The following VSTM5 variants were observed in gnomAD, a reference collection of about 807,000 sequenced individuals.
VSTM5 encodes V-set and transmembrane domain containing 5.
In VSTM5, 21 loss-of-function variants were observed where a neutral mutation model predicts 20.3. The observed-to-expected ratio is 1.03, with a 90% CI of 0.73 to 1.49. The LOEUF (loss-of-function observed/expected upper bound fraction) is 1.49, where lower values mean the gene tolerates loss of function less well. Among genes scored for constraint, VSTM5 ranks in the 40% most tolerant of loss-of-function variants. The pLI is 0.00. For synonymous variants in VSTM5, 100 were observed against 102.5 expected (o/e 0.98, Z 0.14); for missense variants, 219 against 250.0 (o/e 0.88, Z 0.84).
At chr11:93,848,290 C>G (rs1451961980) in intron 1 of VSTM5, among the ~76,000 whole-genome samples, 1 of 152,170 alleles carries the variant, frequency 6.6e-6, no homozygotes, top group Admixed American at 6.5e-5. Context: ...TGACTGGCTC[C>G]AAAGCACAGG....
chr11:93,818,299 A>G lies in VSTM5; in HGVS notation c.*2270T>C, dbSNP rs924068571. On this transcript the variant is annotated 3_prime_UTR_variant, in exon 4 of 4. Coordinates refer to ENST00000409977, the MANE Select transcript of VSTM5 (RefSeq NM_001144871.2). ...TTTTTCACAGTTTGAAATATAATTT[A>G]TAGCTTAACATTTACACTAGCTAAT... The G allele has an allele frequency of 1.3e-5, 2 of 152,014 alleles. No homozygotes were observed. Among genetic ancestry groups the G allele is most frequent in the Non-Finnish European group, 2.9e-5 (2 of 68,028 alleles). 9.4% of individuals were successfully genotyped at this position (152,014 alleles called of 1,614,324 possible). A position where few individuals can be genotyped will look rare whatever the true frequency, so the allele number is the denominator to read the frequency against.
Position 93,820,480 on chromosome 11 carries a change from A to G in VSTM5, c.*89T>C, listed in dbSNP as rs1398068501. ...GTTAGGAGCGGGCTGCAACAGGACCACACACAATGGGTATAATAGCTGTGC... is the reference window on the plus strand; with the variant it reads ...GTTAGGAGCGGGCTGCAACAGGACCGCACACAATGGGTATAATAGCTGTGC... On this transcript the variant is annotated 3_prime_UTR_variant, in exon 4 of 4. Transcript: ENST00000409977. 6 of 1,433,660 alleles carry G rather than the reference A, an allele frequency of 4.2e-6. No homozygotes were observed. The highest frequency in any genetic ancestry group is 4.8e-6 in the Non-Finnish European group (5 of 1,045,908). 88.8% of individuals were successfully genotyped at this position (1,433,660 alleles called of 1,614,324 possible). A position where few individuals can be genotyped will look rare whatever the true frequency, so the allele number is the denominator to read the frequency against.
chr11:93,842,823 C>T (rs1452195197), intron 1 of VSTM5, among the ~76,000 whole-genome samples: 3 of 152,166 alleles, frequency 2.0e-5, no homozygotes, highest in Non-Finnish European at 2.9e-5. Context: ...CATTCAGGGC[C>T]GGGGACAGCG....
chr11:93,839,722 C>T (rs1413098010), intron 1 of VSTM5, among the ~76,000 whole-genome samples: 1 of 152,144 alleles, frequency 6.6e-6, no homozygotes, highest in Non-Finnish European at 1.5e-5. Context: ...CCATTCAGAC[C>T]TGCGCTCTAC....
intron 1 of VSTM5, among the ~76,000 whole-genome samples, chr11:93,843,652 G>A (rs547627206): frequency 2.0e-5 from 3 of 152,240 alleles, no homozygotes; most frequent in South Asian, 2.1e-4. Context: ...TTATTGTCTT[G>A]TAATTGTTAT....
At chr11:93,837,949 A>G (rs1232179428) in intron 1 of VSTM5, among the ~76,000 whole-genome samples, 3 of 145,720 alleles carry the variant, frequency 2.1e-5, no homozygotes, top group Non-Finnish European at 4.5e-5. Context: ...GGGCCAAGAG[A>G]TCTGCTGGTG....
chr11:93,833,777 T>C (rs921829780), intron 1 of VSTM5, among the ~76,000 whole-genome samples: 6 of 152,028 alleles, frequency 3.9e-5, no homozygotes, highest in Non-Finnish European at 7.4e-5. Context: ...TTGGCGCCCT[T>C]TACTGCAAGT....
intron 1 of VSTM5, among the ~76,000 whole-genome samples, chr11:93,825,232 A>C (rs917562551): frequency 6.6e-6 from 1 of 152,146 alleles, no homozygotes; most frequent in Non-Finnish European, 1.5e-5. Context: ...CAGTGGTGCA[A>C]TCATGGCTCC....
chr11:93,837,998 G>A (rs76027122), intron 1 of VSTM5, among the ~76,000 whole-genome samples: 1 of 151,492 alleles, frequency 6.6e-6, no homozygotes, highest in Non-Finnish European at 1.5e-5. Flanking sequence ...ATGCAGGGGG[G>A]TGGGGGTGGG....
chr11:93,844,105 C>T (rs1944393550), intron 1 of VSTM5, among the ~76,000 whole-genome samples: 1 of 152,190 alleles, frequency 6.6e-6, no homozygotes, highest in African/African-American at 2.4e-5. Flanking sequence ...ATCACCAGCA[C>T]ACAGCAGTAT....
intron 1 of VSTM5, chr11:93,821,540 G>A: frequency 1.8e-6 from 1 of 570,126 alleles, no homozygotes; most frequent in South Asian, 2.3e-5. Flanking sequence ...TTTCCATTTT[G>A]AAGACTATTT....
At chr11:93,824,153 C>G (rs1944214103) in intron 1 of VSTM5, among the ~76,000 whole-genome samples, 1 of 152,146 alleles carries the variant, frequency 6.6e-6, no homozygotes, top group Admixed American at 6.5e-5. Context: ...GGTGATCCAC[C>G]CACCTCGGTC....
At chr11:93,833,215 C>A (rs1944295854) in intron 1 of VSTM5, among the ~76,000 whole-genome samples, 2 of 152,110 alleles carry the variant, frequency 1.3e-5, no homozygotes, top group African/African-American at 4.8e-5. Context: ...CAGGTTAAAC[C>A]AAATATATAT....
chr11:93,832,518 A>G (rs1470049346), intron 1 of VSTM5, among the ~76,000 whole-genome samples: 1 of 143,720 alleles, frequency 7.0e-6, no homozygotes, highest in African/African-American at 2.6e-5. Flanking sequence ...GAACAATAGT[A>G]ATATTTTAGC....
chr11:93,833,440 A>T (rs61906576), intron 1 of VSTM5, among the ~76,000 whole-genome samples: 1 of 152,060 alleles, frequency 6.6e-6, no homozygotes, highest in African/African-American at 2.4e-5. Flanking sequence ...TTAGCTGGGC[A>T]TGGTGGCATG....
chr11:93,830,450 C>T (rs146373467), intron 1 of VSTM5, among the ~76,000 whole-genome samples: 6 of 151,098 alleles, frequency 4.0e-5, no homozygotes, highest in East Asian at 3.9e-4. Context: ...TGCCCAAGAC[C>T]GCAAGATCGT....
At position 93,850,453 on chromosome 11, in the gene VSTM5, C is replaced by A; in HGVS notation, c.50G>T (p.Gly17Val). The A allele has an allele frequency of 6.5e-7, 1 of 1,550,156 alleles. No homozygotes were observed. The highest frequency in any genetic ancestry group is 8.7e-7 in the Non-Finnish European group (1 of 1,146,624). Residue 17 changes from glycine (G) to valine (V), a missense_variant, in exon 1 of 4, where the codon GGA becomes GTA. Gly to Val is a moderately radical substitution (Grantham distance 109). Coordinates refer to ENST00000409977, the MANE Select transcript of VSTM5 (RefSeq NM_001144871.2). Reference protein sequence around the residue: ...GRRKTRGISLGLFALCLAAAR... With the variant: ...GRRKTRGISLVLFALCLAAAR... ...TGCGGCCAGGCAGAGGGCGAAGAGTCCTAGGGAGATGCCTCGGGTCTTCCT... is the reference window on the plus strand; with the variant it reads ...TGCGGCCAGGCAGAGGGCGAAGAGTACTAGGGAGATGCCTCGGGTCTTCCT...
chr11:93,829,672 A>C (rs2135732799), intron 1 of VSTM5, among the ~76,000 whole-genome samples: 1 of 152,338 alleles, frequency 6.6e-6, no homozygotes, highest in Non-Finnish European at 1.5e-5. Flanking sequence ...AAGGAAAGCC[A>C]GTCTTCCCTA....
At chr11:93,836,260 G>A (rs747744650) in intron 1 of VSTM5, among the ~76,000 whole-genome samples, 7 of 152,152 alleles carry the variant, frequency 4.6e-5, no homozygotes, top group East Asian at 3.9e-4. Flanking sequence ...CTTAATCCCC[G>A]CTAACTTACT....
Sources: gnomAD v4.1 joint callset for allele counts (sites outside exome capture counted in the v4.1 genomes callset) on GRCh38, gnomAD v4.1.1 for gene constraint, MANE v1.5 for transcripts, NCBI Gene and HGNC (gene_info 2026-07-23, HGNC 2026-07-21) for gene names.